P2RX4: variants seen among roughly 807,000 people sequenced by gnomAD.
P2RX4 encodes purinergic receptor P2X 4.
P2RX4 carries 37 observed loss-of-function variants against 48.0 expected under a neutral mutation model. That is an observed-to-expected ratio of 0.77 (90% CI 0.59 to 1.01). The LOEUF (loss-of-function observed/expected upper bound fraction) is 1.01, where lower values mean the gene tolerates loss of function less well. P2RX4 is among the 50% of genes least tolerant of loss of function. P2RX4 has a pLI of 0.00. For synonymous variants in P2RX4, 200 were observed against 199.7 expected (o/e 1.00, Z -0.01); for missense variants, 501 against 521.4 (o/e 0.96, Z 0.38).
intron 1 of P2RX4, chr12:121,216,820 C>CAAA (rs59513233): frequency 2.4e-3 from 1,240 of 525,478 alleles, no homozygotes; most frequent in East Asian, 5.8e-3. Context: ...AACATCGTCT[C>CAAA]AAAAAAAAAA....
At chr12:121,233,442 AAGTCCCAGGAGCGC>A in intron 11 of P2RX4, 67 bp from the exon 12 acceptor site, 1 of 1,458,604 alleles carries the variant, frequency 6.9e-7, no homozygotes, top group Non-Finnish European at 9.4e-7. Context: ...CCTGGCGGTG[AAGTCCCAGGAGCGC>A]ACCTCCCTCC....
intron 2 of P2RX4, 84 bp downstream of exon 2, chr12:121,217,365 C>A: frequency 1.4e-6 from 2 of 1,380,256 alleles, no homozygotes; most frequent in Non-Finnish European, 2.0e-6. Context: ...ATTGACGTGG[C>A]CTGAGTCCTG....
At chr12:121,212,017 G>A (rs1885895104) in intron 1 of P2RX4, among the ~76,000 whole-genome samples, 1 of 152,298 alleles carries the variant, frequency 6.6e-6, no homozygotes, top group South Asian at 2.1e-4. Context: ...GAGTATGATC[G>A]GCTGCCCAGG....
Position 121,222,180 on chromosome 12 carries a change from G to C in P2RX4, c.427+14G>C. On this transcript the variant is annotated intron_variant, in intron 4 of 11. Coordinates refer to ENST00000337233, the MANE Select transcript of P2RX4 (RefSeq NM_002560.3). The stretch of plus-strand genomic sequence containing the variant: ...CCCACAGCAACGGTACGAGCTTGTG[G>C]CCTCCTGGGGAGGGCGGCCCCTGAG... 6.3e-7 allele frequency: 1 copy of C among 1,589,604 alleles called. No individual in the cohort carries two copies.
At chr12:121,230,964 T>C (rs1887308387) in intron 8 of P2RX4, among the ~76,000 whole-genome samples, 2 of 129,802 alleles carry the variant, frequency 1.5e-5, no homozygotes, top group Admixed American at 8.4e-5. Flanking sequence ...ATTATATATA[T>C]AGCCATTATA....
Position 121,233,018 on chromosome 12 carries a change from A to C in P2RX4, c.1066A>C (p.Ile356Leu). The C allele has an allele frequency of 6.2e-7, 1 of 1,613,692 alleles. No homozygotes were observed. The highest frequency in any genetic ancestry group is 8.5e-7 in the Non-Finnish European group (1 of 1,179,578). The change falls in exon 11 of 12, where the codon ATA becomes CTA. Residue 356 changes from isoleucine (I) to leucine (L), a missense_variant. Physicochemically the swap from Ile to Leu is conservative, Grantham distance 5 (BLOSUM62 2). Transcript: ENST00000337233. ...TCAGGCGACCGTGCTGTGTGACATC[A>C]TAGTCCTCTACTGCATGAAGAAAAG... ...LGMATVLCDI[I>L]VLYCMKKRLY...
In P2RX4 at chr12:121,232,004, CAAAAAA is replaced by C. The variant is rs34995184; in HGVS notation, c.885-396_885-391del. On this transcript the variant is annotated intron_variant, in intron 8 of 11. Coordinates refer to ENST00000337233, the MANE Select transcript of P2RX4 (RefSeq NM_002560.3). This position sits in a 1 kb window ranked among gnomAD's most constrained non-coding sequence, Gnocchi z 4.3. The stretch of plus-strand genomic sequence containing the variant: ...CTGGCAACAGAGGGAGACTCCATCT[CAAAAAA>C]AAAAAAAAAAAAAGTCCCTGCACTG... 3.2e-5 allele frequency among the ~76,000 whole-genome samples: 3 copies of C among 94,456 alleles called. No individual in the cohort carries two copies. The highest frequency in any genetic ancestry group is 1.3e-4 in the African/African-American group (3 of 23,260). The allele number at this position is 94,456 out of a possible 152,430, so 62.0% of individuals were successfully genotyped here. A position where few individuals can be genotyped will look rare whatever the true frequency, so the allele number is the denominator to read the frequency against.
chr12:121,217,180 G>T lies in P2RX4; in HGVS notation c.181G>T (p.Val61Phe), dbSNP rs1390437413. 2 of 1,614,092 alleles carry T rather than the reference G, an allele frequency of 1.2e-6. No individual in the cohort carries two copies. Among genetic ancestry groups the T allele is most frequent in the South Asian group, 1.1e-5 (1 of 91,096 alleles). The change falls in exon 2 of 12, where the codon GTC becomes TTC. Residue 61 changes from valine to phenylalanine, a missense_variant. Val to Phe is a conservative substitution (Grantham distance 50, BLOSUM62 -1). This residue lies in a region of P2RX4 where 295 missense variants were observed against 275.3 expected (regional missense o/e 1.07). Coordinates refer to ENST00000337233, the MANE Select transcript of P2RX4 (RefSeq NM_002560.3). ...EKGYQETDSVVSSVTTKVKGV... is the reference protein window; with the variant it reads ...EKGYQETDSVFSSVTTKVKGV... ...GGGCTACCAGGAAACTGACTCCGTG[G>T]TCAGCTCCGTTACGACCAAGGTCAA...
At chr12:121,224,837 G>C (rs1886878570) in intron 5 of P2RX4, among the ~76,000 whole-genome samples, 1 of 151,600 alleles carries the variant, frequency 6.6e-6, no homozygotes. Context: ...CCTCATCCTG[G>C]GTGTGTTGAG....
At chr12:121,210,325 C>G (rs1411077702) in intron 1 of P2RX4, 27 bp downstream of exon 1, 3 of 1,490,812 alleles carry the variant, frequency 2.0e-6, no homozygotes, top group Non-Finnish European at 2.7e-6. Flanking sequence ...GCGGGGGGCG[C>G]GGCGGGTGCT....
Position 121,233,468 on chromosome 12 carries a change from G to A in P2RX4, c.1141-55G>A, listed in dbSNP as rs1044643331. The A allele has an allele frequency of 9.5e-6, 15 of 1,573,360 alleles. No individual in the cohort carries two copies. The South Asian group carries it at 1.0e-4, about 11-fold the overall frequency. On this transcript the variant is annotated intron_variant, in intron 11 of 11. Transcript: ENST00000337233. ...AGTCCCAGGAGCGCACCTCCCTCCC[G>A]CCTGCCACAAGGGGTCCCAGGGGCA...
chr12:121,210,751 C>T (rs1282254224), intron 1 of P2RX4, among the ~76,000 whole-genome samples: 1 of 152,204 alleles, frequency 6.6e-6, no homozygotes, highest in Non-Finnish European at 1.5e-5. Flanking sequence ...TTAACTCGAG[C>T]CTGGGAGACA....
At chr12:121,216,600 C>T (rs1886239551) in intron 1 of P2RX4, 1 of 261,240 alleles carries the variant, frequency 3.8e-6, no homozygotes, top group Non-Finnish European at 7.5e-6. Context: ...GTGGGTGGAT[C>T]ACCTGAGGTC....
rs377248986 is a variant in P2RX4 at position 121,233,588 on chromosome 12, A to G, written c.*39A>G. The G allele has an allele frequency of 6.9e-5, 111 of 1,600,644 alleles. No individual in the cohort carries two copies. The African/African-American group carries it at 1.3e-3, about 18-fold the overall frequency. ...CCTGGGCTCTCCACAGCCCCATCAA[A>G]GAACAGAGAGGAGGAGGAGGGAGAA... On this transcript the variant is annotated 3_prime_UTR_variant, in exon 12 of 12. Transcript: ENST00000337233.
chr12:121,224,933 TAGAGCTGGAGAGGATCTCAC>T (rs1455988327), intron 5 of P2RX4, among the ~76,000 whole-genome samples: 2 of 152,138 alleles, frequency 1.3e-5, no homozygotes, highest in Non-Finnish European at 2.9e-5. Flanking sequence ...CCTAGCATCT[TAGAGCTGGAGAGGATCTCAC>T]AGAGCTGTGC....
chr12:121,222,463 A>G, intron 4 of P2RX4: 1 of 465,258 alleles, frequency 2.1e-6, no homozygotes, highest in South Asian at 2.2e-5. Context: ...CCCAAACTGG[A>G]GTGCAATGGC....
chr12:121,228,968 C>A lies in P2RX4; in HGVS notation c.753C>A (p.Gly251=), dbSNP rs752332351. 6.2e-7 allele frequency: 1 copy of A among 1,614,124 alleles called. No homozygotes were observed. Among genetic ancestry groups the A allele is most frequent in the Non-Finnish European group, 8.5e-7 (1 of 1,180,022 alleles). ...HSFQDMAVEG[G]IMGIQVNWDC... ...TCTCTGCTGCTCATCCCCAGGGAGGCATCATGGGCATCCAGGTCAACTGGG... is the reference window on the plus strand; with the variant it reads ...TCTCTGCTGCTCATCCCCAGGGAGGAATCATGGGCATCCAGGTCAACTGGG... The change falls in exon 8 of 12, where the codon GGC becomes GGA. Residue 251 remains glycine, a synonymous_variant. Coordinates refer to ENST00000337233, the MANE Select transcript of P2RX4 (RefSeq NM_002560.3).
chr12:121,221,534 C>T (rs1886608217), intron 2 of P2RX4, among the ~76,000 whole-genome samples: 1 of 151,842 alleles, frequency 6.6e-6, no homozygotes, highest in Non-Finnish European at 1.5e-5. Flanking sequence ...GCTGGGACTA[C>T]AGGTGCCCGC....
rs370711610 is a variant in P2RX4, at chr12:121,229,045, G to A, written c.830G>A (p.Arg277His). The A allele has an allele frequency of 1.3e-5, 21 of 1,614,084 alleles. No homozygotes were observed. Among genetic ancestry groups the A allele is most frequent in the East Asian group, 6.7e-5 (3 of 44,872 alleles). ...ASLCLPRYSF[R>H]RLDTRDVEHN... ...CTCTGCTTGCCCAGGTACTCCTTCC[G>A]CCGCCTCGATACACGGGACGTTGAG... The change falls in exon 8 of 12, where the codon CGC becomes CAC. Residue 277 changes from arginine to histidine, a missense_variant. Around this residue, in one of 3 missense-constraint regions of P2RX4, gnomAD observed 197 missense variants for 219.5 expected, o/e 0.90. Transcript: ENST00000337233. The surrounding 1 kb of genome is among the most constrained non-coding windows in gnomAD (Gnocchi z 4.6).
Sources: gnomAD v4.1 joint callset for allele counts (sites outside exome capture counted in the v4.1 genomes callset) on GRCh38, gnomAD v4.1.1 for gene constraint, gnomAD v4.1.1 regional missense constraint, Gnocchi (gnomAD v3.1) non-coding constraint, MANE v1.5 for transcripts, NCBI Gene and HGNC (gene_info 2026-07-23, HGNC 2026-07-21) for gene names.